The following PZP variants were observed in gnomAD, a reference collection of about 807,000 sequenced individuals.
The protein encoded by PZP is PZP alpha-2-macroglobulin like, also known as pregnancy zone protein.
A neutral mutation model predicts 179.8 loss-of-function variants in PZP; 150 were observed. The ratio of observed to expected loss-of-function variants is 0.83; its 90% confidence interval spans 0.73 to 0.96. The LOEUF (loss-of-function observed/expected upper bound fraction) is 0.96. Among genes scored for constraint, PZP ranks in the 40% least tolerant of loss-of-function variants. The pLI is 0.00. For synonymous variants in PZP, 624 were observed against 652.3 expected (o/e 0.96, Z 0.66); for missense variants, 1,689 against 1,764.0 (o/e 0.96, Z 0.76).
At chr12:9,169,665 A>G in intron 15 of PZP, 74 bp from the exon 16 acceptor site, 1 of 1,344,248 alleles carries the variant, frequency 7.4e-7, no homozygotes, top group Non-Finnish European at 9.8e-7. Flanking sequence ...TGAGAGAAAT[A>G]AAATAATTAT....
chr12:9,196,072 T>C (rs1477883498), intron 10 of PZP, among the ~76,000 whole-genome samples: 3 of 152,182 alleles, frequency 2.0e-5, no homozygotes, highest in Non-Finnish European at 4.4e-5. Flanking sequence ...AGGTTTGATA[T>C]AACAACTAAG....
the PZP span, among the ~76,000 whole-genome samples, chr12:9,137,342 T>C: frequency 6.6e-6 from 1 of 152,160 alleles, no homozygotes; most frequent in Non-Finnish European, 1.5e-5. Context: ...TGACCTTTTA[T>C]GGGTGCATTT....
At chr12:9,203,386 G>T (rs1944282016) in intron 2 of PZP, among the ~76,000 whole-genome samples, 1 of 141,058 alleles carries the variant, frequency 7.1e-6, no homozygotes, top group African/African-American at 2.7e-5. Flanking sequence ...CTGTCGCCCA[G>T]GCTGGAGTGC....
At position 9,159,962 on chromosome 12, in the gene PZP, T is replaced by G; in HGVS notation, c.3113A>C (p.Tyr1038Ser). 6.2e-7 allele frequency: 1 copy of G among 1,613,724 alleles called. No individual in the cohort carries two copies. The highest frequency in any genetic ancestry group is 1.1e-5 in the South Asian group (1 of 91,074). ...DGSYSTFGER[Y>S]GRNQGNTWLT... ...CCAAGTGTTGCCCTGGTTCCTGCCA[T>G]ATCGTTCCCCAAAGGTGCTGTAGGA... The change falls in exon 25 of 36, where the codon TAT becomes TCT. Residue 1038 changes from tyrosine (Y) to serine (S), a missense_variant. By Grantham distance (144) the Tyr-to-Ser change is moderately radical. Around this residue, in one of 3 missense-constraint regions of PZP, gnomAD observed 746 missense variants for 749.2 expected, o/e 1.00. Transcript: ENST00000261336.
rs1342479320 is a variant in PZP at position 9,198,100 on chromosome 12, C to T, written c.756-977G>A. On this transcript the variant is annotated intron_variant, in intron 7 of 35. Coordinates refer to ENST00000261336, the MANE Select transcript of PZP (RefSeq NM_002864.3). ...AGGTGCTTTGGCTCATGCCTGCAAC[C>T]CCAACACTTTGGGAAGCCAAGAAGG... 2.0e-5 allele frequency among the ~76,000 whole-genome samples: 3 copies of T among 149,936 alleles called. No homozygotes were observed. In the Admixed American group the frequency reaches 2.0e-4, roughly 10 times the overall value.
intron 19 of PZP, among the ~76,000 whole-genome samples, chr12:9,164,797 A>G (rs1314597625): frequency 6.6e-6 from 1 of 152,210 alleles, no homozygotes; most frequent in Non-Finnish European, 1.5e-5. Context: ...TTTCAAGATG[A>G]CGGGTTGGAG....
chr12:9,180,784 G>A (rs748576919), intron 15 of PZP, among the ~76,000 whole-genome samples, 199 bp downstream of exon 15: 1 of 152,322 alleles, frequency 6.6e-6, no homozygotes, highest in South Asian at 2.1e-4. Flanking sequence ...GGCAACAAAA[G>A]ACAAAATTGA....
intron 1 of PZP, 54 bp downstream of exon 1, chr12:9,208,205 A>C: frequency 7.2e-7 from 1 of 1,397,610 alleles, no homozygotes; most frequent in East Asian, 2.3e-5. Flanking sequence ...AAGCGAAGAC[A>C]CAAGGGAGAG....
At chr12:9,142,734 A>G in the PZP span, among the ~76,000 whole-genome samples, 1 of 152,338 alleles carries the variant, frequency 6.6e-6, no homozygotes, top group East Asian at 1.9e-4. Flanking sequence ...GCCCTTTAAG[A>G]ACAGGGCTAG....
At chr12:9,203,191 T>G (rs758096334) in intron 2 of PZP, among the ~76,000 whole-genome samples, 2 of 152,168 alleles carry the variant, frequency 1.3e-5, no homozygotes, top group African/African-American at 4.8e-5. Context: ...CTCCTCTAAG[T>G]CATGAAATTT....
At position 9,174,184 on chromosome 12, in the gene PZP, A is replaced by G. The variant is rs780689426; in HGVS notation, c.1840-4593T>C. The stretch of plus-strand genomic sequence containing the variant: ...AAGCTTGGCTCAACATACACAAATC[A>G]ATAAGTGCGATTCATTACATAAACA... On this transcript the variant is annotated intron_variant, in intron 15 of 35. Coordinates refer to ENST00000261336, the MANE Select transcript of PZP (RefSeq NM_002864.3). Among the ~76,000 whole-genome samples, 14 of 152,350 alleles carry G rather than the reference A, an allele frequency of 9.2e-5. No homozygotes were observed. The South Asian group carries it at 2.9e-3, about 32-fold the overall frequency.
At chr12:9,185,790 A>ATTTCTTTTCTTTTCTTTTCTTTTCT (rs71045238) in intron 13 of PZP, among the ~76,000 whole-genome samples, 20,349 of 134,058 alleles carry the variant, frequency 0.15, 2,144 homozygotes, top group Middle Eastern at 0.19. Flanking sequence ...TATGTTCAAC[A>ATTTCTTTTCTTTTCTTTTCTTTTCT]TTTCTTTTCT....
chr12:9,153,067 T>G, intron 30 of PZP, 58 bp downstream of exon 30: 4 of 1,607,404 alleles, frequency 2.5e-6, no homozygotes, highest in Admixed American at 1.7e-5. Flanking sequence ...GAACAGAGTT[T>G]CCATTTCAAT....
chr12:9,154,912 C>A, intron 28 of PZP, 73 bp from the exon 29 acceptor site: 1 of 1,377,324 alleles, frequency 7.3e-7, no homozygotes, highest in Non-Finnish European at 1.0e-6. Context: ...AGAGAATGCA[C>A]ATTCATAATA....
Position 9,150,734 on chromosome 12 carries a change from T to C in PZP, c.4294A>G (p.Thr1432Ala), listed in dbSNP as rs147252656. 3 of 1,610,862 alleles carry C rather than the reference T, an allele frequency of 1.9e-6. No homozygotes were observed. The highest frequency in any genetic ancestry group is 2.5e-6 in the Non-Finnish European group (3 of 1,177,922). ...LIYVEQVTNQTLSFSFMVLQD... is the reference protein window; with the variant it reads ...LIYVEQVTNQALSFSFMVLQD... Reference sequence around the variant, plus strand: ...AGAACCATGAAGGAAAAACTTAGCGTCTGATTTGTCACCTGAAAGGAAAAG... The same window carrying C: ...AGAACCATGAAGGAAAAACTTAGCGCCTGATTTGTCACCTGAAAGGAAAAG... The change falls in exon 34 of 36, where the codon ACG becomes GCG. Residue 1432 changes from threonine to alanine, a missense_variant. Around this residue, in one of 3 missense-constraint regions of PZP, gnomAD observed 746 missense variants for 749.2 expected, o/e 1.00. Transcript: ENST00000261336.
At chr12:9,173,106 A>G (rs760190085) in intron 15 of PZP, among the ~76,000 whole-genome samples, 1 of 152,380 alleles carries the variant, frequency 6.6e-6, no homozygotes, top group Admixed American at 6.5e-5. Flanking sequence ...ATGCACAAGA[A>G]CTGAAATCAT....
At chr12:9,207,846 G>A (rs1394353065) in intron 1 of PZP, among the ~76,000 whole-genome samples, 1 of 152,190 alleles carries the variant, frequency 6.6e-6, no homozygotes, top group African/African-American at 2.4e-5. Flanking sequence ...ACTGGGGGCT[G>A]TTGGTGAAGA....
chr12:9,156,639 TA>T (rs1393270989), intron 28 of PZP, among the ~76,000 whole-genome samples: 1 of 152,208 alleles, frequency 6.6e-6, no homozygotes, highest in Non-Finnish European at 1.5e-5. Flanking sequence ...CAAGTAGAAA[TA>T]AAACTGCATT....
At chr12:9,194,671 A>T (rs1198215039) in intron 10 of PZP, among the ~76,000 whole-genome samples, 1 of 151,960 alleles carries the variant, frequency 6.6e-6, no homozygotes, top group Admixed American at 6.6e-5. Flanking sequence ...TCACCATGTT[A>T]GCCAGGATGG....
Sources: allele counts gnomAD v4.1 joint callset (sites outside exome capture counted in the v4.1 genomes callset), GRCh38; gene constraint gnomAD v4.1.1; regional missense constraint gnomAD v4.1.1; transcripts MANE v1.5; gene names NCBI Gene and HGNC (gene_info 2026-07-23, HGNC 2026-07-21).